Variants in CYP46A1 observed in about 807,000 individuals in gnomAD.
CYP46A1 encodes cytochrome P450 family 46 subfamily A member 1.
In CYP46A1, 20 loss-of-function variants were observed where a neutral mutation model predicts 63.3. The ratio of observed to expected loss-of-function variants is 0.32; its 90% CI spans 0.22 to 0.46. The LOEUF (loss-of-function observed/expected upper bound fraction) is 0.46, where lower values mean the gene tolerates loss of function less well. Among genes scored for constraint, CYP46A1 ranks in the 20% least tolerant of loss-of-function variants. The pLI, the probability that CYP46A1 is intolerant of heterozygous loss-of-function variation, is 1.00. For synonymous variants in CYP46A1, 268 were observed against 273.6 expected (o/e 0.98, Z 0.20); for missense variants, 445 against 670.8 (o/e 0.66, Z 3.72).
chr14:99,703,539 A>T (rs956759315), intron 5 of CYP46A1: 9 of 975,618 alleles, frequency 9.2e-6, no homozygotes, highest in Non-Finnish European at 1.1e-5. Context: ...CCTTTCTGGA[A>T]ACCACTGTGC....
rs1426553799 is a variant in CYP46A1, at chr14:99,684,501, C to T, written c.84C>T (p.Ser28=). 9.5e-6 allele frequency: 14 copies of T among 1,478,804 alleles called. No homozygotes were observed. The highest frequency in any genetic ancestry group is 8.9e-6 in the Non-Finnish European group (10 of 1,120,492). 91.6% of individuals were successfully genotyped at this position (1,478,804 alleles called of 1,614,324 possible). The change falls in exon 1 of 15, where the codon AGC becomes AGT. Residue 28 remains serine (S), a synonymous_variant. Coordinates refer to ENST00000261835, the MANE Select transcript of CYP46A1 (RefSeq NM_006668.2). ...LCCTFVHRAR[S]RYEHIPGPPR... ...GCACCTTCGTGCACCGCGCTCGCAG[C>T]CGCTACGAGCACATCCCCGGGCCGC...
chr14:99,684,614 G>A lies in CYP46A1; in HGVS notation c.119+78G>A, dbSNP rs985824971. 2.3e-6 allele frequency: 3 copies of A among 1,291,520 alleles called. No individual in the cohort carries two copies. The South Asian group carries it at 4.1e-5, about 18-fold the overall frequency. 80.0% of individuals were successfully genotyped at this position (1,291,520 alleles called of 1,614,324 possible). On this transcript the variant is annotated intron_variant, in intron 1 of 14. Transcript: ENST00000261835. ...GGGACAGCGTCTAAGCCGGCGTCCA[G>A]GCCGGGGGTCCGGCCTCGCCTAGTG...
intron 3 of CYP46A1, chr14:99,693,547 G>C (rs146119241): frequency 1.8e-4 from 27 of 152,242 alleles, no homozygotes; most frequent in Admixed American, 1.6e-3. Flanking sequence ...ATTTTGTTAA[G>C]AGTTTTTGTT....
At chr14:99,685,079 A>C (rs1446738164) in intron 1 of CYP46A1, among the ~76,000 whole-genome samples, 15 of 5,056 alleles carry the variant, frequency 3.0e-3, no homozygotes, top group South Asian at 0.013. Context: ...CACCCCCCTC[A>C]ACTTGCCAAC....
chr14:99,718,164 T>C (rs2056809792), intron 10 of CYP46A1, 38 bp downstream of exon 10: 1 of 1,589,482 alleles, frequency 6.3e-7, no homozygotes, highest in Non-Finnish European at 8.6e-7. Flanking sequence ...AAGAGGTCTG[T>C]CTGATTTCTT....
At chr14:99,699,886 G>T in intron 4 of CYP46A1, 129 bp from the exon 5 acceptor site, 1 of 653,486 alleles carries the variant, frequency 1.5e-6, no homozygotes. Flanking sequence ...CCTTCACAAT[G>T]TGGCGCAACC....
chr14:99,721,353 C>A (rs192875153), intron 11 of CYP46A1, 30 bp downstream of exon 11: 4 of 1,448,336 alleles, frequency 2.8e-6, no homozygotes, highest in Non-Finnish European at 3.9e-6. Flanking sequence ...AGCTTCTGGG[C>A]GGATGTGGGT....
At chr14:99,721,844 T>C in intron 11 of CYP46A1, 112 bp from the exon 12 acceptor site, 1 of 767,068 alleles carries the variant, frequency 1.3e-6, no homozygotes, top group Non-Finnish European at 2.2e-6. Flanking sequence ...AGGGTGAGGG[T>C]ATGCACTCAG....
At chr14:99,693,732 T>G (rs776133194) in intron 3 of CYP46A1, 1 of 152,212 alleles carries the variant, frequency 6.6e-6, no homozygotes, top group Non-Finnish European at 1.5e-5. Flanking sequence ...AGTGAAGTCA[T>G]GTGGGCCTGG....
At chr14:99,689,763 C>T (rs546394040) in intron 1 of CYP46A1, among the ~76,000 whole-genome samples, 30 of 152,308 alleles carry the variant, frequency 2.0e-4, no homozygotes, top group African/African-American at 6.5e-4. Flanking sequence ...TCTGAGCCCT[C>T]GTCACCTCTC....
Position 99,726,570 on chromosome 14 carries a change from T to C in CYP46A1, c.1346T>C (p.Val449Ala). 6.3e-7 allele frequency: 1 copy of C among 1,586,912 alleles called. No homozygotes were observed. Among genetic ancestry groups the C allele is most frequent in the Non-Finnish European group, 8.6e-7 (1 of 1,168,032 alleles). The change falls in exon 15 of 15, where the codon GTG becomes GCG. Residue 449 changes from valine to alanine, a missense_variant. Coordinates refer to ENST00000261835, the MANE Select transcript of CYP46A1 (RefSeq NM_006668.2). Reference protein sequence around the residue: ...GQQFAQMEVKVVMAKLLQRLE... With the variant: ...GQQFAQMEVKAVMAKLLQRLE... ...CGCTGGGCCCAGATGGAGGTGAAGGTGGTCATGGCAAAGCTGCTGCAGAGG... is the reference window on the plus strand; with the variant it reads ...CGCTGGGCCCAGATGGAGGTGAAGGCGGTCATGGCAAAGCTGCTGCAGAGG...
intron 3 of CYP46A1, among the ~76,000 whole-genome samples, chr14:99,698,039 C>T (rs2056600355): frequency 6.6e-6 from 1 of 152,024 alleles, no homozygotes; most frequent in South Asian, 2.1e-4. Context: ...CATTTGAGGT[C>T]CCTGGAATGT....
intron 5 of CYP46A1, among the ~76,000 whole-genome samples, chr14:99,700,436 AT>A (rs1453351375): frequency 6.6e-6 from 1 of 152,058 alleles, no homozygotes; most frequent in Non-Finnish European, 1.5e-5. Context: ...TCTTTTATTC[AT>A]TTGAGTTTTT....
At chr14:99,721,138 C>A in intron 10 of CYP46A1, 101 bp from the exon 11 acceptor site, 1 of 795,544 alleles carries the variant, frequency 1.3e-6, no homozygotes, top group Non-Finnish European at 2.2e-6. Flanking sequence ...GAGCCCCATG[C>A]GTCTCTCTTC....
intron 5 of CYP46A1, among the ~76,000 whole-genome samples, chr14:99,701,506 G>T (rs1190032750): frequency 6.6e-6 from 1 of 152,220 alleles, no homozygotes; most frequent in African/African-American, 2.4e-5. Flanking sequence ...GCCTAGGTGT[G>T]TAGTAGGCTA....
chr14:99,726,307 G>T lies in CYP46A1; in HGVS notation c.1332+51G>T, dbSNP rs775275854. On this transcript the variant is annotated intron_variant, in intron 14 of 14. Coordinates refer to ENST00000261835, the MANE Select transcript of CYP46A1 (RefSeq NM_006668.2). The stretch of plus-strand genomic sequence containing the variant: ...GCCCAGGAGTAGCTGCAGGGGTGGG[G>T]GCTCATCCTGAGCCGGGAAGCATCT... 100 of 1,581,444 alleles carry T rather than the reference G, an allele frequency of 6.3e-5. 2 individuals are homozygous for T. The South Asian group carries it at 1.0e-3, about 16-fold the overall frequency.
chr14:99,713,599 C>T (rs1199733074), intron 7 of CYP46A1, among the ~76,000 whole-genome samples: 1 of 151,950 alleles, frequency 6.6e-6, no homozygotes, highest in African/African-American at 2.4e-5. Context: ...ACAAACGTGG[C>T]CAGGCATGGT....
intron 7 of CYP46A1, chr14:99,708,897 G>A (rs1003690184): frequency 2.0e-5 from 3 of 152,230 alleles, no homozygotes; most frequent in African/African-American, 7.2e-5. Context: ...AAAGCCTCAG[G>A]ATGGCCTCCA....
rs756225751 is a variant in CYP46A1, at chr14:99,706,716, G to A, written c.513G>A (p.Lys171=). Residue 171 remains lysine (K), a synonymous_variant, in exon 6 of 15, where the codon AAG becomes AAA. Coordinates refer to ENST00000261835, the MANE Select transcript of CYP46A1 (RefSeq NM_006668.2). ...AGCTGGTGGAGATTCTAGAAGCCAA[G>A]GCAGATGGGCAGACCCCAGTGTCCA... ...AEQLVEILEA[K]ADGQTPVSMQ... The A allele has an allele frequency of 1.2e-6, 2 of 1,613,840 alleles. No individual in the cohort carries two copies. Among genetic ancestry groups the A allele is most frequent in the Non-Finnish European group, 1.7e-6 (2 of 1,180,014 alleles).
Sources: allele counts gnomAD v4.1 joint callset (sites outside exome capture counted in the v4.1 genomes callset), GRCh38; gene constraint gnomAD v4.1.1; transcripts MANE v1.5; gene names NCBI Gene and HGNC (gene_info 2026-07-23, HGNC 2026-07-21).